SDCCAG8: variants seen among roughly 807,000 people sequenced by gnomAD.
SDCCAG8 encodes the protein serologically defined colon cancer antigen 8.
Under a neutral mutation model 101.8 loss-of-function variants are expected in SDCCAG8, and 74 were observed. That is an observed-to-expected ratio of 0.73 (90% CI 0.60 to 0.88). The LOEUF is 0.88. Among genes scored for constraint, SDCCAG8 ranks in the 40% least tolerant of loss-of-function variants. The probability of loss-of-function intolerance (pLI) is 0.00; values close to 1 mark genes in which losing one functional copy is unlikely to be tolerated. For synonymous variants in SDCCAG8, 281 were observed against 292.9 expected (o/e 0.96, Z 0.41); for missense variants, 787 against 822.6 (o/e 0.96, Z 0.53).
intron 12 of SDCCAG8, among the ~76,000 whole-genome samples, chr1:243,356,545 T>C (rs972793665): frequency 7.9e-5 from 12 of 151,958 alleles, no homozygotes; most frequent in African/African-American, 2.7e-4. Flanking sequence ...CACCTTAAAC[T>C]ATAACTCAGA....
chr1:243,387,695 T>G (rs2078396565), intron 13 of SDCCAG8, among the ~76,000 whole-genome samples: 1 of 152,206 alleles, frequency 6.6e-6, no homozygotes, highest in African/African-American at 2.4e-5. Flanking sequence ...AGTTTCCACA[T>G]AGTAACTAGT....
chr1:243,349,980 A>G (rs1381644227), intron 12 of SDCCAG8, among the ~76,000 whole-genome samples: 1 of 152,206 alleles, frequency 6.6e-6, no homozygotes, highest in Admixed American at 6.5e-5. Context: ...AATAGATCCA[A>G]AAATTTTGGC....
intron 15 of SDCCAG8, 101 bp from the exon 16 acceptor site, chr1:243,426,326 T>G: frequency 9.8e-7 from 1 of 1,016,182 alleles, no homozygotes. Context: ...TGCTATCATG[T>G]TTAAGTGTGG....
chr1:243,469,480 C>A (rs920854456), intron 16 of SDCCAG8, among the ~76,000 whole-genome samples: 3 of 152,152 alleles, frequency 2.0e-5, no homozygotes, highest in Non-Finnish European at 4.4e-5. Flanking sequence ...GAAGGGCATA[C>A]TTTTTTGAGT....
intron 15 of SDCCAG8, among the ~76,000 whole-genome samples, chr1:243,426,094 C>T (rs2148041930): frequency 6.6e-6 from 1 of 152,268 alleles, no homozygotes; most frequent in East Asian, 1.9e-4. Context: ...TCTTTGACAG[C>T]ATAGTGTTTG....
intron 13 of SDCCAG8, among the ~76,000 whole-genome samples, chr1:243,409,647 A>G (rs910710163): frequency 6.6e-6 from 1 of 152,188 alleles, no homozygotes; most frequent in Non-Finnish European, 1.5e-5. Flanking sequence ...CGTGAACAAT[A>G]GAGACATGTC....
intron 1 of SDCCAG8, among the ~76,000 whole-genome samples, chr1:243,266,946 A>AT (rs1425121936): frequency 6.8e-6 from 1 of 147,814 alleles, no homozygotes; most frequent in Non-Finnish European, 1.5e-5. Context: ...TTCGTCTCAA[A>AT]AAAAAAAAAA....
chr1:243,419,059 A>G (rs950234256), intron 15 of SDCCAG8, among the ~76,000 whole-genome samples: 1 of 152,110 alleles, frequency 6.6e-6, no homozygotes, highest in East Asian at 1.9e-4. Context: ...TCTGAGCTCC[A>G]TCTTGGAATC....
At chr1:243,338,393 A>G (rs1179481732) in intron 10 of SDCCAG8, among the ~76,000 whole-genome samples, 2 of 150,140 alleles carry the variant, frequency 1.3e-5, no homozygotes, top group Non-Finnish European at 3.0e-5. Flanking sequence ...CTTTCTTTCT[A>G]TGTTTTTTTT....
chr1:243,330,266 C>G (rs960899387), intron 9 of SDCCAG8, among the ~76,000 whole-genome samples: 2 of 152,082 alleles, frequency 1.3e-5, no homozygotes, highest in African/African-American at 2.4e-5. Flanking sequence ...AAAATTCTGA[C>G]TCATCTGTGG....
At position 243,474,927 on chromosome 1, in the gene SDCCAG8, T is replaced by C. The variant is rs1662099191; in HGVS notation, c.1986-14087T>C. ...TCTACCTTCTGTTTAGCAGTTGCTC[T>C]TTTCTGAAGCAGAAAATTATCTCTA... On this transcript the variant is annotated intron_variant, in intron 16 of 17. Coordinates refer to ENST00000366541, the MANE Select transcript of SDCCAG8 (RefSeq NM_006642.5). This position sits in a 1 kb window ranked among gnomAD's most constrained non-coding sequence, Gnocchi z 4.7. Among the ~76,000 whole-genome samples the C allele has an allele frequency of 6.6e-6, 1 of 152,218 alleles. No individual in the cohort carries two copies. The highest frequency in any genetic ancestry group is 1.5e-5 in the Non-Finnish European group (1 of 68,038).
intron 12 of SDCCAG8, among the ~76,000 whole-genome samples, chr1:243,366,875 C>A (rs1423880005): frequency 2.0e-5 from 3 of 151,818 alleles, no homozygotes; most frequent in Non-Finnish European, 4.4e-5. Flanking sequence ...AATTATCTGG[C>A]CATCTGGATC....
chr1:243,396,501 A>ATATTTG (rs2079042838), intron 13 of SDCCAG8, among the ~76,000 whole-genome samples: 1 of 152,310 alleles, frequency 6.6e-6, no homozygotes, highest in East Asian at 1.9e-4. Flanking sequence ...GAAATGGTAC[A>ATATTTG]TATTTGTACA....
chr1:243,390,045 T>G (rs1055234112), intron 13 of SDCCAG8, among the ~76,000 whole-genome samples: 6 of 152,220 alleles, frequency 3.9e-5, no homozygotes, highest in African/African-American at 1.4e-4. Flanking sequence ...CATCTTAAGA[T>G]AACAACAAGC....
rs555358582 is a variant in SDCCAG8, at chr1:243,308,155, C to A, written c.907C>A (p.Gln303Lys). 1 of 1,614,152 alleles carries A rather than the reference C, an allele frequency of 6.2e-7. No individual in the cohort carries two copies. The highest frequency in any genetic ancestry group is 2.2e-5 in the East Asian group (1 of 44,870). The change falls in exon 8 of 18, where the codon CAG (glutamine) becomes AAG (lysine). Residue 303 changes from glutamine to lysine, a missense_variant. Physicochemically the swap from Gln to Lys is moderately conservative, Grantham distance 53. Coordinates refer to ENST00000366541, the MANE Select transcript of SDCCAG8 (RefSeq NM_006642.5). ...LSQTHTNVHM[Q>K]TIERLVKERD... ...CCAAACCCATACTAATGTTCATATG[C>A]AGACCATCGAAAGACTGGTTAAGTA...
intron 8 of SDCCAG8, among the ~76,000 whole-genome samples, chr1:243,311,468 G>T (rs1206035896): frequency 6.6e-6 from 1 of 152,050 alleles, no homozygotes; most frequent in Admixed American, 6.5e-5. Context: ...GGTGGACGAA[G>T]GCAATGAAAT....
At chr1:243,330,182 C>T (rs2636324) in intron 9 of SDCCAG8, among the ~76,000 whole-genome samples, 61,116 of 151,958 alleles carry the variant, frequency 0.4, 13,526 homozygotes, top group East Asian at 0.74. Flanking sequence ...TGGATACTTA[C>T]GTATTTCGTG....
chr1:243,340,963 C>G, intron 10 of SDCCAG8, 76 bp from the exon 11 acceptor site: 1 of 1,442,562 alleles, frequency 6.9e-7, no homozygotes, highest in Admixed American at 1.7e-5. Context: ...TGCTGAGACG[C>G]TATTAATTCA....
At chr1:243,367,099 T>C (rs2077031865) in intron 12 of SDCCAG8, among the ~76,000 whole-genome samples, 1 of 152,166 alleles carries the variant, frequency 6.6e-6, no homozygotes, top group Non-Finnish European at 1.5e-5. Context: ...TGTCAAATGG[T>C]AATAAAAGTC....
Sources: allele counts gnomAD v4.1 joint callset (sites outside exome capture counted in the v4.1 genomes callset), GRCh38; gene constraint gnomAD v4.1.1; non-coding constraint Gnocchi (gnomAD v3.1); transcripts MANE v1.5; gene names NCBI Gene and HGNC (gene_info 2026-07-23, HGNC 2026-07-21).